TENM3: variants seen among roughly 807,000 people sequenced by gnomAD.
TENM3 encodes teneurin-3.
Under a neutral mutation model 255.1 loss-of-function variants are expected in TENM3, and 63 were observed. The ratio of observed to expected loss-of-function variants is 0.25; its 90% confidence interval spans 0.20 to 0.30. The LOEUF is 0.30. Ranked by LOEUF, TENM3 falls within the 10% of genes least tolerant of loss-of-function variation. TENM3 has a pLI of 1.00. For missense variants in TENM3, 2,929 were observed against 3,461.1 expected (o/e 0.85, Z 3.86); for synonymous variants, 1,306 against 1,322.3 (o/e 0.99, Z 0.27).
At chr4:182,035,336 A>G in the TENM3 span, among the ~76,000 whole-genome samples, 1 of 152,218 alleles carries the variant, frequency 6.6e-6, no homozygotes, top group South Asian at 2.1e-4. Flanking sequence ...AGCAGGATAA[A>G]CAAATTCGAT....
At chr4:182,392,966 A>G (rs1768541319) in intron 3 of TENM3, among the ~76,000 whole-genome samples, 1 of 152,182 alleles carries the variant, frequency 6.6e-6, no homozygotes, top group Admixed American at 6.5e-5. Context: ...GAGATTTGTG[A>G]GTATCTGTGT....
intron 3 of TENM3, among the ~76,000 whole-genome samples, chr4:182,483,496 T>G (rs1184440660): frequency 4.6e-5 from 7 of 152,170 alleles, no homozygotes. Context: ...TAGATGTGAT[T>G]TAACCATTGT....
At chr4:182,177,173 G>C (rs1470265285) in intron 1 of TENM3, among the ~76,000 whole-genome samples, 1 of 151,976 alleles carries the variant, frequency 6.6e-6, no homozygotes, top group Non-Finnish European at 1.5e-5. Context: ...GCTTAATAAC[G>C]GCTTCTTGTT....
the TENM3 span, among the ~76,000 whole-genome samples, chr4:181,814,292 T>C: frequency 6.6e-6 from 1 of 152,048 alleles, no homozygotes; most frequent in Non-Finnish European, 1.5e-5. Context: ...AAAGATACAA[T>C]ATATTATATT....
chr4:181,735,937 G>A, the TENM3 span, among the ~76,000 whole-genome samples: 1 of 152,172 alleles, frequency 6.6e-6, no homozygotes, highest in African/African-American at 2.4e-5. Context: ...TGCTATAAAT[G>A]CTACGTGTGA....
chr4:181,463,347 G>C, the TENM3 span, among the ~76,000 whole-genome samples: 7 of 152,096 alleles, frequency 4.6e-5, no homozygotes, highest in Admixed American at 1.3e-4. Flanking sequence ...TATCTTGCCT[G>C]TTGTATACAT....
At chr4:182,303,642 T>G (rs1580089345) in intron 1 of TENM3, among the ~76,000 whole-genome samples, 2 of 151,500 alleles carry the variant, frequency 1.3e-5, no homozygotes, top group Admixed American at 1.3e-4. Context: ...GTGGGGGGGG[T>G]GACTTAATTT....
chr4:181,617,450 G>A, the TENM3 span, among the ~76,000 whole-genome samples: 1 of 152,202 alleles, frequency 6.6e-6, no homozygotes, highest in Admixed American at 6.5e-5. Flanking sequence ...AGACTAGACT[G>A]TTGAGACTGG....
chr4:182,616,945 T>G (rs1279580489), intron 4 of TENM3, among the ~76,000 whole-genome samples: 2 of 152,216 alleles, frequency 1.3e-5, no homozygotes, highest in Non-Finnish European at 2.9e-5. Flanking sequence ...TTCATCATTC[T>G]CTAAAGCACA....
chr4:181,756,011 C>T, the TENM3 span, among the ~76,000 whole-genome samples: 1 of 152,094 alleles, frequency 6.6e-6, no homozygotes, highest in African/African-American at 2.4e-5. Context: ...GTGACGATGA[C>T]GTGCCAAATC....
At chr4:181,739,379 G>A in the TENM3 span, among the ~76,000 whole-genome samples, 1 of 152,182 alleles carries the variant, frequency 6.6e-6, no homozygotes, top group African/African-American at 2.4e-5. Context: ...GTCTGGAAGA[G>A]ACCCTTCGAA....
At chr4:182,407,613 G>T (rs1769675773) in intron 3 of TENM3, among the ~76,000 whole-genome samples, 3 of 152,188 alleles carry the variant, frequency 2.0e-5, no homozygotes, top group African/African-American at 4.8e-5. Flanking sequence ...ATGAATGAAT[G>T]AATTTTGTTA....
chr4:181,550,463 C>A, the TENM3 span, among the ~76,000 whole-genome samples: 1 of 152,132 alleles, frequency 6.6e-6, no homozygotes, highest in Non-Finnish European at 1.5e-5. Flanking sequence ...GCTCTGCAAC[C>A]ATCTTTTTGT....
In TENM3 at chr4:182,738,440, C is replaced by T; in HGVS notation, c.3275C>T (p.Thr1092Ile). ...GYEYESCLDL[T>I]LWEKRTAILQ... ...GAGTATGAGTCGTGTTTGGACCTGA[C>T]TCTGTGGGAAAAGAGGACTGCCATT... is the stretch of plus-strand genomic sequence containing the variant. The change falls in exon 18 of 28, where the codon ACT becomes ATT. Residue 1092 changes from threonine to isoleucine, a missense_variant. By Grantham distance (89) the Thr-to-Ile change is moderately conservative. Around this residue, in one of 6 missense-constraint regions of TENM3, gnomAD observed 1,608 missense variants for 1,884.4 expected, o/e 0.85. Coordinates refer to ENST00000511685, the MANE Select transcript of TENM3 (RefSeq NM_001080477.4). 1 of 1,613,180 alleles carries T rather than the reference C, an allele frequency of 6.2e-7. No individual in the cohort carries two copies. The highest frequency in any genetic ancestry group is 8.5e-7 in the Non-Finnish European group (1 of 1,179,520).
At chr4:182,590,240 A>C (rs1236962948) in intron 3 of TENM3, among the ~76,000 whole-genome samples, 1 of 152,128 alleles carries the variant, frequency 6.6e-6, no homozygotes, top group Non-Finnish European at 1.5e-5. Context: ...AAAATTTTTA[A>C]AGTTTCCTCT....
chr4:182,673,602 A>G (rs1755407534), intron 7 of TENM3, among the ~76,000 whole-genome samples: 1 of 152,190 alleles, frequency 6.6e-6, no homozygotes, highest in Admixed American at 6.5e-5. Flanking sequence ...ACACGTATTC[A>G]TTCTGTTGAA....
At chr4:181,898,790 T>C in the TENM3 span, among the ~76,000 whole-genome samples, 1 of 152,214 alleles carries the variant, frequency 6.6e-6, no homozygotes, top group Admixed American at 6.5e-5. Flanking sequence ...CTGCTTGTAA[T>C]AATATTTCAA....
At chr4:182,570,156 T>C (rs1744214975) in intron 3 of TENM3, among the ~76,000 whole-genome samples, 1 of 152,020 alleles carries the variant, frequency 6.6e-6, no homozygotes, top group African/African-American at 2.4e-5. Flanking sequence ...GCAGCAGGGA[T>C]CGAGGAACAG....
At chr4:181,915,747 T>C in the TENM3 span, among the ~76,000 whole-genome samples, 1 of 150,862 alleles carries the variant, frequency 6.6e-6, no homozygotes, top group Non-Finnish European at 1.5e-5. Context: ...ACACAGAAGA[T>C]TGACTGTGAG....
Sources: gnomAD v4.1 joint callset for allele counts (sites outside exome capture counted in the v4.1 genomes callset) on GRCh38, gnomAD v4.1.1 for gene constraint, gnomAD v4.1.1 regional missense constraint, MANE v1.5 for transcripts, NCBI Gene and HGNC (gene_info 2026-07-23, HGNC 2026-07-21) for gene names.